Variants in MCTP2 observed in about 807,000 individuals in gnomAD.
MCTP2 encodes multiple C2 and transmembrane domain containing 2.
MCTP2 carries 132 observed loss-of-function variants against 111.6 expected under a neutral mutation model. The ratio of observed to expected loss-of-function variants is 1.18; its 90% CI spans 1.03 to 1.37. MCTP2 has a LOEUF of 1.37. MCTP2 is among the 40% of genes most tolerant of loss of function. The pLI, the probability that MCTP2 is intolerant of heterozygous loss-of-function variation, is 0.00. For missense variants in MCTP2, 1,183 were observed against 1,067.9 expected (o/e 1.11, Z -1.50); for synonymous variants, 395 against 387.7 (o/e 1.02, Z -0.22).
intron 17 of MCTP2, among the ~76,000 whole-genome samples, chr15:94,436,307 CT>C (rs1204653059): frequency 6.6e-6 from 1 of 152,152 alleles, no homozygotes; most frequent in African/African-American, 2.4e-5. Context: ...GATCTGATTC[CT>C]TCTTTCCAAG....
intron 1 of MCTP2, among the ~76,000 whole-genome samples, chr15:94,268,693 C>G (rs2073738508): frequency 6.6e-6 from 1 of 151,920 alleles, no homozygotes; most frequent in South Asian, 2.1e-4. Context: ...TGAATTCTTA[C>G]CAGTAGATCA....
At chr15:94,333,246 G>A (rs1185538514) in intron 4 of MCTP2, among the ~76,000 whole-genome samples, 6 of 152,118 alleles carry the variant, frequency 3.9e-5, no homozygotes, top group Non-Finnish European at 8.8e-5. Context: ...TTGGAGCAAG[G>A]CGTATAAGAA....
chr15:94,235,636 A>G (rs1229921353), intron 1 of MCTP2, among the ~76,000 whole-genome samples: 1 of 152,220 alleles, frequency 6.6e-6, no homozygotes, highest in African/African-American at 2.4e-5. Flanking sequence ...GCATTTTGCT[A>G]AGAAATATTA....
intron 14 of MCTP2, among the ~76,000 whole-genome samples, chr15:94,395,045 C>T (rs763184014): frequency 6.6e-6 from 1 of 152,126 alleles, no homozygotes; most frequent in Non-Finnish European, 1.5e-5. Flanking sequence ...GTAGATCTCT[C>T]TCTAGGTGCT....
chr15:94,248,132 G>T (rs145821400), intron 1 of MCTP2, among the ~76,000 whole-genome samples: 1 of 152,260 alleles, frequency 6.6e-6, no homozygotes, highest in African/African-American at 2.4e-5. Context: ...GTTAGGCTTG[G>T]GGTAGAACTT....
intron 19 of MCTP2, among the ~76,000 whole-genome samples, chr15:94,450,499 CTT>C (rs1004762922): frequency 2.0e-5 from 3 of 152,168 alleles, no homozygotes; most frequent in Admixed American, 6.5e-5. Context: ...GCTGCTTGTT[CTT>C]TGTTATGACA....
At chr15:94,407,727 C>G (rs1319516983) in intron 17 of MCTP2, among the ~76,000 whole-genome samples, 1 of 150,832 alleles carries the variant, frequency 6.6e-6, no homozygotes, top group African/African-American at 2.4e-5. Context: ...AACTTAAAAA[C>G]AACAGTAGCA....
At chr15:94,449,593 A>G (rs1158419199) in intron 19 of MCTP2, among the ~76,000 whole-genome samples, 2 of 152,242 alleles carry the variant, frequency 1.3e-5, no homozygotes, top group African/African-American at 4.8e-5. Context: ...CTCATAGTAA[A>G]CAACCCCAGT....
At chr15:94,293,111 A>C (rs547057494) in intron 1 of MCTP2, 7 of 152,304 alleles carry the variant, frequency 4.6e-5, no homozygotes, top group African/African-American at 1.7e-4. Flanking sequence ...TTACTATTAG[A>C]AAACATGGGA....
intron 14 of MCTP2, among the ~76,000 whole-genome samples, chr15:94,387,741 G>A (rs1048927016): frequency 1.3e-5 from 2 of 152,216 alleles, no homozygotes; most frequent in African/African-American, 4.8e-5. Flanking sequence ...TATACAGAAT[G>A]TTAGATGGTG....
At chr15:94,390,789 G>T (rs903278226) in intron 14 of MCTP2, among the ~76,000 whole-genome samples, 1 of 146,508 alleles carries the variant, frequency 6.8e-6, no homozygotes. Context: ...GAGTGCAGTG[G>T]CTTGATCTTG....
chr15:94,396,725 A>C (rs1235672880), intron 14 of MCTP2, among the ~76,000 whole-genome samples: 1 of 152,146 alleles, frequency 6.6e-6, no homozygotes, highest in Non-Finnish European at 1.5e-5. Context: ...CTTTTCTCTA[A>C]AGATATTCCT....
intron 1 of MCTP2, among the ~76,000 whole-genome samples, chr15:94,234,012 C>T (rs902515976): frequency 2.0e-5 from 3 of 152,224 alleles, no homozygotes; most frequent in Non-Finnish European, 4.4e-5. Context: ...ATTTTGCCTG[C>T]GTCAATCTTG....
intron 21 of MCTP2, among the ~76,000 whole-genome samples, chr15:94,472,077 C>G (rs1186146368): frequency 6.6e-6 from 1 of 152,196 alleles, no homozygotes; most frequent in Admixed American, 6.5e-5. Flanking sequence ...TCTTTCCTTC[C>G]ACAAAGAAGA....
At chr15:94,459,460 A>G (rs964044101) in intron 20 of MCTP2, among the ~76,000 whole-genome samples, 4 of 152,328 alleles carry the variant, frequency 2.6e-5, no homozygotes, top group Admixed American at 2.6e-4. Flanking sequence ...GTAAACGTGT[A>G]TGTTTAAAAA....
chr15:94,250,193 T>G (rs2072311059), intron 1 of MCTP2, among the ~76,000 whole-genome samples: 2 of 152,212 alleles, frequency 1.3e-5, no homozygotes, highest in African/African-American at 4.8e-5. Flanking sequence ...ATTGGAGAAT[T>G]CATTTTTAAT....
At chr15:94,360,220 A>C (rs1466944792) in intron 10 of MCTP2, among the ~76,000 whole-genome samples, 1 of 152,060 alleles carries the variant, frequency 6.6e-6, no homozygotes, top group African/African-American at 2.4e-5. Flanking sequence ...TGTCTGTTAG[A>C]TTGCAATCGT....
intron 2 of MCTP2, among the ~76,000 whole-genome samples, chr15:94,308,408 A>C (rs1276177182): frequency 1.3e-5 from 2 of 152,108 alleles, no homozygotes; most frequent in African/African-American, 4.8e-5. Flanking sequence ...TACCCAGGTC[A>C]CTCAGGGGAA....
At chr15:94,391,478 T>C (rs1418959048) in intron 14 of MCTP2, among the ~76,000 whole-genome samples, 3 of 152,174 alleles carry the variant, frequency 2.0e-5, no homozygotes, top group South Asian at 2.1e-4. Context: ...GCAAATTCCA[T>C]GTAAGTCAAG....
Sources: allele counts gnomAD v4.1 joint callset (sites outside exome capture counted in the v4.1 genomes callset), GRCh38; gene constraint gnomAD v4.1.1; transcripts MANE v1.5; gene names NCBI Gene and HGNC (gene_info 2026-07-23, HGNC 2026-07-21).